Variants in EDA observed in about 807,000 individuals in gnomAD.
EDA encodes the protein ectodysplasin A, also known as ectodysplasin-A.
EDA carries 2 observed loss-of-function variants against 23.6 expected under a neutral mutation model. The observed-to-expected ratio is 0.08, with a 90% confidence interval of 0.03 to 0.27. The LOEUF is 0.27. EDA is among the 10% of genes least tolerant of loss of function. The pLI, the probability that EDA is intolerant of heterozygous loss-of-function variation, is 1.00. For missense variants in EDA, 229 were observed against 324.2 expected, an observed-to-expected ratio of 0.71 and a Z score of 2.26; for synonymous variants, 131 against 132.0, an observed-to-expected ratio of 0.99 and a Z score of 0.05.
At chrX:69,757,410 G>A (rs957464266) in intron 1 of EDA, among the ~76,000 whole-genome samples, 1 of 111,500 alleles carries the variant, frequency 9.0e-6, no homozygotes, top group African/African-American at 3.3e-5. Flanking sequence ...AGCATTAGTT[G>A]AAATCTCTCT....
intron 1 of EDA, among the ~76,000 whole-genome samples, chrX:69,648,518 T>G (rs772925884): frequency 2.5e-4 from 28 of 112,609 alleles, no homozygotes; most frequent in African/African-American, 8.0e-4. Flanking sequence ...CCCTTCCCCA[T>G]CCAGGCCATC....
chrX:69,957,217 C>A, intron 2 of EDA, 85 bp downstream of exon 2: 1 of 920,809 alleles, frequency 1.1e-6, no homozygotes, highest in Non-Finnish European at 1.6e-6. Flanking sequence ...CTTGGTAGGG[C>A]ATGGTGGCTC....
At chrX:69,925,307 T>G (rs1159956267) in intron 1 of EDA, among the ~76,000 whole-genome samples, 2 of 111,787 alleles carry the variant, frequency 1.8e-5, no homozygotes, top group Non-Finnish European at 3.8e-5. Flanking sequence ...TAGCTCTTAT[T>G]ATTTTGACAT....
chrX:69,719,229 T>G (rs1444351308), intron 1 of EDA, among the ~76,000 whole-genome samples: 2 of 111,503 alleles, frequency 1.8e-5, no homozygotes, highest in Non-Finnish European at 3.8e-5. Context: ...TGTTTTTTTT[T>G]TCCCTAAGGA....
At chrX:69,894,225 T>C (rs1228745548) in intron 1 of EDA, among the ~76,000 whole-genome samples, 5 of 111,086 alleles carry the variant, frequency 4.5e-5, no homozygotes, top group Non-Finnish European at 9.4e-5. Flanking sequence ...AGGGGACGGC[T>C]TTATTTCTGG....
intron 1 of EDA, among the ~76,000 whole-genome samples, chrX:69,709,163 A>G (rs1484786092): frequency 2.7e-5 from 3 of 112,024 alleles, no homozygotes; most frequent in South Asian, 3.7e-4. Context: ...CCTTTGTGAA[A>G]GGCTTTTTAT....
chrX:69,617,821 C>T, intron 1 of EDA: 1 of 304,157 alleles, frequency 3.3e-6, no homozygotes, highest in South Asian at 3.2e-5. Context: ...ATTGTCACAA[C>T]TCTGTAAACA....
At chrX:69,929,708 G>T (rs1375422414) in intron 1 of EDA, among the ~76,000 whole-genome samples, 6 of 29,964 alleles carry the variant, frequency 2.0e-4, no homozygotes, top group Non-Finnish European at 3.2e-4. Context: ...TTCTATTTTT[G>T]TGTGTGTGTG....
chrX:70,031,066 C>G (rs1212201211), intron 6 of EDA, among the ~76,000 whole-genome samples: 1 of 111,762 alleles, frequency 8.9e-6, no homozygotes, highest in Admixed American at 9.4e-5. Context: ...GAAACAGAGT[C>G]CCAGAGAGAT....
chrX:69,753,760 G>T (rs1489173860), intron 1 of EDA, among the ~76,000 whole-genome samples: 1 of 111,698 alleles, frequency 9.0e-6, no homozygotes, highest in Non-Finnish European at 1.9e-5. Context: ...GGGTGCTCCT[G>T]TCTTGGGTGC....
chrX:69,910,206 G>C (rs1379705607), intron 1 of EDA, among the ~76,000 whole-genome samples: 2 of 109,188 alleles, frequency 1.8e-5, no homozygotes, highest in Non-Finnish European at 3.8e-5. Flanking sequence ...CGTTGCCCAG[G>C]CTGGCCTCAA....
At chrX:69,879,467 C>T (rs2017708457) in intron 1 of EDA, among the ~76,000 whole-genome samples, 1 of 111,821 alleles carries the variant, frequency 8.9e-6, no homozygotes, top group African/African-American at 3.3e-5. Context: ...GATCAACTCA[C>T]CCTCTTGAGA....
At chrX:69,800,606 T>TA (rs1385974278) in intron 1 of EDA, among the ~76,000 whole-genome samples, 3 of 111,650 alleles carry the variant, frequency 2.7e-5, no homozygotes, top group Admixed American at 9.5e-5. Flanking sequence ...GACTGATGAA[T>TA]AATGAGAAAG....
At chrX:69,869,701 G>A (rs1352157192) in intron 1 of EDA, among the ~76,000 whole-genome samples, 2 of 112,088 alleles carry the variant, frequency 1.8e-5, no homozygotes, top group South Asian at 3.8e-4. Flanking sequence ...ATTAGCCAAT[G>A]TCAGAGCTCT....
In EDA at chrX:69,616,261, A is replaced by G. The variant is rs191640436; in HGVS notation, c.-48A>G. 367 of 1,151,944 alleles carry G rather than the reference A, an allele frequency of 3.2e-4. 1 individual carries two copies. In the East Asian group the frequency reaches 0.01, roughly 31 times the overall value. The allele number at this position is 1,151,944 out of a possible 1,213,427, so 94.9% of individuals were successfully genotyped here. On this transcript the variant is annotated 5_prime_UTR_variant, in exon 1 of 8. Coordinates refer to ENST00000374552, the MANE Select transcript of EDA (RefSeq NM_001399.5). ...GTCAGAGGTCGTGAACGGCTGAGGCAGACGCAGCGGCTCCCGGGCCTCAAG... is the reference window on the plus strand; with the variant it reads ...GTCAGAGGTCGTGAACGGCTGAGGCGGACGCAGCGGCTCCCGGGCCTCAAG...
chrX:69,868,443 C>A (rs1189845789), intron 1 of EDA, among the ~76,000 whole-genome samples: 1 of 111,913 alleles, frequency 8.9e-6, no homozygotes, highest in Non-Finnish European at 1.9e-5. Context: ...TCTTGACAGG[C>A]CCCACACCAC....
At chrX:69,861,159 T>A in intron 1 of EDA, 1 of 325,420 alleles carries the variant, frequency 3.1e-6, no homozygotes, top group South Asian at 5.5e-5. Context: ...ATTTGAGATG[T>A]AAGACAGAAG....
intron 1 of EDA, among the ~76,000 whole-genome samples, chrX:69,818,559 C>T (rs2016135290): frequency 9.0e-6 from 1 of 111,697 alleles, no homozygotes; most frequent in African/African-American, 3.2e-5. Flanking sequence ...CACAGAAATA[C>T]AAACTACCAT....
chrX:69,988,713 G>A (rs1185452391), intron 2 of EDA, among the ~76,000 whole-genome samples: 3 of 109,850 alleles, frequency 2.7e-5, no homozygotes, highest in Admixed American at 9.7e-5. Flanking sequence ...AAAATTAGCC[G>A]GGCGTGGTGG....
Sources: gnomAD v4.1 joint callset for allele counts (sites outside exome capture counted in the v4.1 genomes callset) on GRCh38, gnomAD v4.1.1 for gene constraint, MANE v1.5 for transcripts, NCBI Gene and HGNC (gene_info 2026-07-23, HGNC 2026-07-21) for gene names.